The following ZFC3H1 variants were observed in gnomAD, a reference collection of about 807,000 sequenced individuals.
ZFC3H1 encodes the protein zinc finger C3H1 domain-containing protein.
A neutral mutation model predicts 243.7 loss-of-function variants in ZFC3H1; 71 were observed. That is an observed-to-expected ratio of 0.29 (90% CI 0.24 to 0.36). The LOEUF (loss-of-function observed/expected upper bound fraction) is 0.36. ZFC3H1 is among the 10% of genes least tolerant of loss of function. The pLI is 1.00. For synonymous variants in ZFC3H1, 838 were observed against 813.0 expected (o/e 1.03, Z -0.52); for missense variants, 1,966 against 2,317.1 (o/e 0.85, Z 3.11).
At position 71,632,299 on chromosome 12, in the gene ZFC3H1, T is replaced by C. The variant is rs1322640357; in HGVS notation, c.3033A>G (p.Gln1011=). 3 of 1,613,738 alleles carry C rather than the reference T, an allele frequency of 1.9e-6. No individual in the cohort carries two copies. Among genetic ancestry groups the C allele is most frequent in the Middle Eastern group, 1.6e-4 (1 of 6,082 alleles). The change falls in exon 15 of 35, where the codon CAA becomes CAG. Residue 1011 remains glutamine (Q), a synonymous_variant. Coordinates refer to ENST00000378743, the MANE Select transcript of ZFC3H1 (RefSeq NM_144982.5). The part of the protein sequence containing the change: ...VEEEPEFSLP[Q]PSLHDLTQDK... ...CTTGTGTCAGATCATGAAGTGAGGGTTGAGGTAAAGAAAATTCGGGTTCCT... is the reference window on the plus strand; with the variant it reads ...CTTGTGTCAGATCATGAAGTGAGGGCTGAGGTAAAGAAAATTCGGGTTCCT...
chr12:71,625,269 G>C (rs1055286749), intron 22 of ZFC3H1, among the ~76,000 whole-genome samples: 25 of 152,174 alleles, frequency 1.6e-4, no homozygotes, highest in Middle Eastern at 3.2e-3. Context: ...TGACAGATTT[G>C]ACAGCAATAG....
rs888351579 is a variant in ZFC3H1, at chr12:71,628,901, A to T, written c.3946+17T>A. On this transcript the variant is annotated intron_variant, in intron 20 of 34. Coordinates refer to ENST00000378743, the MANE Select transcript of ZFC3H1 (RefSeq NM_144982.5). ...ACAATTTAATAATTCTGGATCTTAA[A>T]TTACATAACTTCTTACCATACTTAA... The T allele has an allele frequency of 6.4e-7, 1 of 1,572,712 alleles. No individual in the cohort carries two copies. Among genetic ancestry groups the T allele is most frequent in the African/African-American group, 1.4e-5 (1 of 72,336 alleles).
intron 1 of ZFC3H1, 67 bp downstream of exon 1, chr12:71,662,946 G>A (rs949428488): frequency 1.2e-5 from 17 of 1,433,724 alleles, no homozygotes; most frequent in Admixed American, 4.4e-5. Context: ...TCGTCTCACA[G>A]ACCTAGTAAT....
rs115434930 is a variant in ZFC3H1 at position 71,614,137 on chromosome 12, T to A, written c.5526+398A>T. Reference sequence around the variant, plus strand: ...ATTAACAAAGAGAGCAGCTACAATGTATAAGTCCATTCTTATTTATTTTGA... The same window carrying A: ...ATTAACAAAGAGAGCAGCTACAATGAATAAGTCCATTCTTATTTATTTTGA... On this transcript the variant is annotated intron_variant, in intron 30 of 34. Transcript: ENST00000378743. Among the ~76,000 whole-genome samples the A allele has an allele frequency of 1.8e-3, 280 of 152,328 alleles. 1 individual carries two copies. The highest frequency in any genetic ancestry group is 6.3e-3 in the African/African-American group (260 of 41,586).
intron 1 of ZFC3H1, among the ~76,000 whole-genome samples, chr12:71,658,282 A>ATTT (rs11454442): frequency 0.011 from 1,023 of 92,784 alleles, 10 homozygotes; most frequent in African/African-American, 0.02. Context: ...TCATTTATAG[A>ATTT]TTTTTTTTTT....
chr12:71,633,299 C>A lies in ZFC3H1; in HGVS notation c.2650G>T (p.Val884Phe). 1 of 1,594,058 alleles carries A rather than the reference C, an allele frequency of 6.3e-7. No homozygotes were observed. The highest frequency in any genetic ancestry group is 1.4e-5 in the African/African-American group (1 of 73,800). Residue 884 changes from valine (V) to phenylalanine (F), a missense_variant, in exon 13 of 35, where the codon GTT becomes TTT. Physicochemically the swap from Val to Phe is conservative, Grantham distance 50. This residue lies in a region of ZFC3H1 where 1,383 missense variants were observed against 1,723.7 expected (regional missense o/e 0.80). Coordinates refer to ENST00000378743, the MANE Select transcript of ZFC3H1 (RefSeq NM_144982.5). ...QLQATEKILN[V>F]NRMFLKKLQE... The stretch of plus-strand genomic sequence containing the variant: ...AGCTTCTTCAAAAACATTCTGTTAA[C>A]ATTAAGAATTTTTTCAGTTGCTTGA...
intron 2 of ZFC3H1, among the ~76,000 whole-genome samples, chr12:71,651,952 CT>C (rs1880896932): frequency 6.6e-6 from 1 of 152,088 alleles, no homozygotes. Context: ...GAAGTGAAAA[CT>C]GATATGGATT....
At chr12:71,626,481 T>C in intron 21 of ZFC3H1, 35 bp from the exon 22 acceptor site, 1 of 1,537,050 alleles carries the variant, frequency 6.5e-7, no homozygotes, top group Non-Finnish European at 8.8e-7. Context: ...AAGTGCTTTT[T>C]AGAACCTGCT....
At position 71,632,265 on chromosome 12, in the gene ZFC3H1, T is replaced by C. The variant is rs765005206; in HGVS notation, c.3067A>G (p.Thr1023Ala). 10 of 1,613,732 alleles carry C rather than the reference T, an allele frequency of 6.2e-6. No homozygotes were observed. In the African/African-American group the frequency reaches 1.3e-4, roughly 22 times the overall value. Residue 1023 changes from threonine (T) to alanine (A), a missense_variant, in exon 15 of 35, where the codon ACC becomes GCC. This residue lies in a region of ZFC3H1 where 1,383 missense variants were observed against 1,723.7 expected (regional missense o/e 0.80). Coordinates refer to ENST00000378743, the MANE Select transcript of ZFC3H1 (RefSeq NM_144982.5). ...SLHDLTQDKL[T>A]LDTEENDVDD... The stretch of plus-strand genomic sequence containing the variant: ...ACATCATTTTCTTCAGTGTCCAGGG[T>C]TAATTTATCTTGTGTCAGATCATGA...
chr12:71,619,886 C>A, intron 26 of ZFC3H1, 40 bp downstream of exon 26: 2 of 1,548,600 alleles, frequency 1.3e-6, no homozygotes, highest in Admixed American at 2.0e-5. Flanking sequence ...AAATTTGAAA[C>A]ATAAAAGCAT....
chr12:71,634,236 T>A lies in ZFC3H1; in HGVS notation c.2429A>T (p.Asp810Val). 6.2e-7 allele frequency: 1 copy of A among 1,614,072 alleles called. No homozygotes were observed. The highest frequency in any genetic ancestry group is 2.2e-5 in the East Asian group (1 of 44,850). Reference protein sequence around the residue: ...KTSSSSPANSDVEIDGIGRIA... With the variant: ...KTSSSSPANSVVEIDGIGRIA... ...CCTGCCAATACCATCAATTTCCACA[T>A]CAGAGTTTGCTGGGGATGATGAACT... The change falls in exon 12 of 35, where the codon GAT becomes GTT. Residue 810 changes from aspartate to valine, a missense_variant. Physicochemically the swap from Asp to Val is radical, Grantham distance 152. Coordinates refer to ENST00000378743, the MANE Select transcript of ZFC3H1 (RefSeq NM_144982.5).
chr12:71,613,337 C>T lies in ZFC3H1; in HGVS notation c.5625G>A (p.Leu1875=). 1.2e-6 allele frequency: 2 copies of T among 1,607,376 alleles called. No individual in the cohort carries two copies. The highest frequency in any genetic ancestry group is 1.7e-6 in the Non-Finnish European group (2 of 1,176,046). Residue 1875 remains leucine (L), a splice_region_variant and synonymous_variant, in exon 31 of 35, where the codon TTG becomes TTA. Transcript: ENST00000378743. ...SVMPANSGLA[L]RLLQHEWEES... is the part of the protein sequence containing the mutation. ...AAAGAATGTTAAGTTTTTCTTACCT[C>T]AATGCAAGTCCAGAATTAGCTGGCA...
Position 71,663,664 on chromosome 12 carries a change from G to A in ZFC3H1, c.-54C>T. 1 of 1,556,826 alleles carries A rather than the reference G, an allele frequency of 6.4e-7. No homozygotes were observed. The highest frequency in any genetic ancestry group is 1.2e-5 in the South Asian group (1 of 85,452). On this transcript the variant is annotated 5_prime_UTR_variant, in exon 1 of 35. Transcript: ENST00000378743. ...TAGCCCTCCGTCCGGGGATCCGCCC[G>A]ACAATTGCCTCGTTTCCCTTCTTTC...
intron 6 of ZFC3H1, chr12:71,639,519 T>G (rs1388070082): frequency 5.7e-6 from 1 of 175,632 alleles, no homozygotes; most frequent in Non-Finnish European, 1.2e-5. Context: ...TGGCATGTTT[T>G]CCCTTCCTAG....
chr12:71,619,023 T>C (rs1879960455), intron 27 of ZFC3H1, among the ~76,000 whole-genome samples: 1 of 152,204 alleles, frequency 6.6e-6, no homozygotes, highest in Admixed American at 6.5e-5. Context: ...AGTGCTATAA[T>C]ATTAAGTACT....
At chr12:71,631,633 AT>A in intron 16 of ZFC3H1, 144 bp downstream of exon 16, 1 of 679,680 alleles carries the variant, frequency 1.5e-6, no homozygotes, top group Non-Finnish European at 2.3e-6. Flanking sequence ...AGGACACTTA[AT>A]TTTTATGTTC....
In ZFC3H1 at chr12:71,611,796, T is replaced by C; in HGVS notation, c.5719A>G (p.Thr1907Ala). 1 of 1,606,448 alleles carries C rather than the reference T, an allele frequency of 6.2e-7. No individual in the cohort carries two copies. The highest frequency in any genetic ancestry group is 8.5e-7 in the Non-Finnish European group (1 of 1,175,148). Residue 1907 changes from threonine (T) to alanine (A), a missense_variant, in exon 32 of 35, where the codon ACC (threonine) becomes GCC (alanine). Thr to Ala is a moderately conservative substitution (Grantham distance 58, BLOSUM62 0). Coordinates refer to ENST00000378743, the MANE Select transcript of ZFC3H1 (RefSeq NM_144982.5). ...FTYNIPTCLA[T>A]WKIAIAAEIV... ...TGATTGTTGCATTACATTTTCCAGG[T>C]GGCCAGGCATGTTGGGATATTATAT...
chr12:71,647,417 T>G (rs924042526), intron 3 of ZFC3H1, among the ~76,000 whole-genome samples: 1 of 152,128 alleles, frequency 6.6e-6, no homozygotes, highest in Admixed American at 6.5e-5. Context: ...AAGGTCTACC[T>G]TACTCCAAAA....
rs1159014495 is a variant in ZFC3H1 at position 71,645,103 on chromosome 12, T to A, written c.1081-28A>T. ...TTAAAGCAAAAAGAAAGAGCTAAAATTTTTTAATTCTATTATTTAGCTTAC... is the reference window on the plus strand; with the variant it reads ...TTAAAGCAAAAAGAAAGAGCTAAAAATTTTTAATTCTATTATTTAGCTTAC... On this transcript the variant is annotated intron_variant, in intron 3 of 34. Coordinates refer to ENST00000378743, the MANE Select transcript of ZFC3H1 (RefSeq NM_144982.5). The A allele has an allele frequency of 3.9e-6, 6 of 1,547,498 alleles. No individual in the cohort carries two copies. The East Asian group carries it at 1.2e-4, about 30-fold the overall frequency.
Sources: gnomAD v4.1 joint callset for allele counts (sites outside exome capture counted in the v4.1 genomes callset) on GRCh38, gnomAD v4.1.1 for gene constraint, gnomAD v4.1.1 regional missense constraint, MANE v1.5 for transcripts, NCBI Gene and HGNC (gene_info 2026-07-23, HGNC 2026-07-21) for gene names.